SLCO3A1: variants seen among roughly 807,000 people sequenced by gnomAD.
SLCO3A1 encodes the protein solute carrier organic anion transporter family member 3A1.
In SLCO3A1, 27 loss-of-function variants were observed where a neutral mutation model predicts 63.1. The ratio of observed to expected loss-of-function variants is 0.43; its 90% CI spans 0.32 to 0.59. SLCO3A1 has a LOEUF of 0.59. Among genes scored for constraint, SLCO3A1 ranks in the 20% least tolerant of loss-of-function variants. The probability of loss-of-function intolerance (pLI) is 0.09; values close to 1 mark genes in which losing one functional copy is unlikely to be tolerated. For missense variants in SLCO3A1, 773 were observed against 945.8 expected (o/e 0.82, Z 2.40); for synonymous variants, 473 against 409.9 (o/e 1.15, Z -1.86).
At position 91,951,456 on chromosome 15, in the gene SLCO3A1, G is replaced by T. The variant is rs143160243; in HGVS notation, c.646+34998G>T. 5.2e-3 allele frequency among the ~76,000 whole-genome samples: 788 copies of T among 152,086 alleles called. 5 individuals carry two copies. Among genetic ancestry groups the T allele is most frequent in the Non-Finnish European group, 9.5e-3 (645 of 67,990 alleles). ...CTGTAACAGATTTTGTTTATTCATC[G>T]GTCAGTGAACATTTGGTTATTTCCA... On this transcript the variant is annotated intron_variant, in intron 2 of 9. Transcript: ENST00000318445.
chr15:91,991,832 T>G (rs1408967723), intron 2 of SLCO3A1, among the ~76,000 whole-genome samples: 1 of 152,248 alleles, frequency 6.6e-6, no homozygotes, highest in Non-Finnish European at 1.5e-5. Flanking sequence ...ATTAATTACA[T>G]GCACATATAA....
At chr15:92,023,890 G>T (rs1366788202) in intron 2 of SLCO3A1, among the ~76,000 whole-genome samples, 1 of 152,196 alleles carries the variant, frequency 6.6e-6, no homozygotes, top group African/African-American at 2.4e-5. Context: ...GAGGGCTTTT[G>T]AGCTCCGTCT....
At chr15:92,157,220 C>T (rs2048382003) in intron 9 of SLCO3A1, 1 of 152,292 alleles carries the variant, frequency 6.6e-6, no homozygotes, top group Non-Finnish European at 1.5e-5. Context: ...CTGCTTCATC[C>T]ACAAGTTCCT....
chr15:92,025,334 C>G (rs763960929), intron 2 of SLCO3A1, among the ~76,000 whole-genome samples: 7 of 152,072 alleles, frequency 4.6e-5, no homozygotes, highest in Admixed American at 3.9e-4. Context: ...ATTTTAAGTT[C>G]TTATTTTAAG....
intron 4 of SLCO3A1, among the ~76,000 whole-genome samples, chr15:92,110,321 A>G (rs1054683997): frequency 3.3e-5 from 5 of 152,192 alleles, no homozygotes; most frequent in Non-Finnish European, 7.3e-5. Context: ...ACACTCCAGC[A>G]TGCCCTGGGC....
chr15:92,128,250 C>A, intron 6 of SLCO3A1, 101 bp from the exon 7 acceptor site: 2 of 1,365,834 alleles, frequency 1.5e-6, no homozygotes, highest in Non-Finnish European at 2.1e-6. Flanking sequence ...AAGCAGGGTA[C>A]CACGCGACTC....
At chr15:92,166,743 A>C (rs1433620716), downstream of SLCO3A1, among the ~76,000 whole-genome samples, 3 of 152,210 alleles carry the variant, frequency 2.0e-5, no homozygotes, top group South Asian at 4.1e-4. Flanking sequence ...GAGGTCATTC[A>C]CTGAGGAACA....
intron 2 of SLCO3A1, among the ~76,000 whole-genome samples, chr15:91,997,407 A>G (rs1008116456): frequency 1.3e-5 from 2 of 152,212 alleles, no homozygotes; most frequent in Admixed American, 6.5e-5. Flanking sequence ...GGAAGAATCA[A>G]TATTGTTAAA....
At chr15:91,874,257 T>G (rs1045767139) in intron 1 of SLCO3A1, among the ~76,000 whole-genome samples, 1 of 152,214 alleles carries the variant, frequency 6.6e-6, no homozygotes, top group Non-Finnish European at 1.5e-5. Context: ...CTGACTGTAG[T>G]TGACCTCAGG....
At chr15:91,987,722 C>T (rs565709340) in intron 2 of SLCO3A1, among the ~76,000 whole-genome samples, 6 of 140,268 alleles carry the variant, frequency 4.3e-5, no homozygotes, top group East Asian at 2.1e-4. Flanking sequence ...CCAGCCTGGG[C>T]GACAGAGCGA....
rs534112412 is a variant in SLCO3A1, at chr15:91,900,006, T to A, written c.181-15987T>A. On this transcript the variant is annotated intron_variant, in intron 1 of 9. Coordinates refer to ENST00000318445, the MANE Select transcript of SLCO3A1 (RefSeq NM_013272.4). This position sits in a 1 kb window ranked among gnomAD's most constrained non-coding sequence, Gnocchi z 4.3. ...TTTAGTAGATACTGTATTTATCAGA[T>A]TGTGTTGGTGTTATATTTTTGGTTA... Among the ~76,000 whole-genome samples, 1 of 152,342 alleles carries A rather than the reference T, an allele frequency of 6.6e-6. No individual in the cohort carries two copies. The highest frequency in any genetic ancestry group is 2.1e-4 in the South Asian group (1 of 4,824).
At chr15:91,870,201 A>G (rs781705795) in intron 1 of SLCO3A1, among the ~76,000 whole-genome samples, 1 of 152,204 alleles carries the variant, frequency 6.6e-6, no homozygotes, top group Non-Finnish European at 1.5e-5. Flanking sequence ...TATTAGGAAT[A>G]TATCATTTTA....
chr15:91,921,433 C>T (rs1365236736), intron 2 of SLCO3A1, among the ~76,000 whole-genome samples: 1 of 151,886 alleles, frequency 6.6e-6, no homozygotes, highest in Non-Finnish European at 1.5e-5. Flanking sequence ...ATAACAGACA[C>T]CAAAGAGATT....
In SLCO3A1 at chr15:91,886,749, G is replaced by A. The variant is rs986297759; in HGVS notation, c.181-29244G>A. 2.0e-5 allele frequency among the ~76,000 whole-genome samples: 3 copies of A among 152,192 alleles called. No homozygotes were observed. Among genetic ancestry groups the A allele is most frequent in the African/African-American group, 2.4e-5 (1 of 41,454 alleles). ...ACTCCAGACAATAATTCAGGGGTAC[G>A]ATGTGATGGCCCTCTGTTGATTCTC... On this transcript the variant is annotated intron_variant, in intron 1 of 9. Transcript: ENST00000318445. This position sits in a 1 kb window ranked among gnomAD's most constrained non-coding sequence, Gnocchi z 4.9.
At position 91,950,288 on chromosome 15, in the gene SLCO3A1, T is replaced by A. The variant is rs1899955700; in HGVS notation, c.646+33830T>A. On this transcript the variant is annotated intron_variant, in intron 2 of 9. Transcript: ENST00000318445. This position sits in a 1 kb window ranked among gnomAD's most constrained non-coding sequence, Gnocchi z 4.4. ...TATTGTGGAGGGGATTGCAGGGGGC[T>A]GGGGAAGCAGAGATCAGTCTGCAGT... is the stretch of plus-strand genomic sequence containing the variant. Among the ~76,000 whole-genome samples the A allele has an allele frequency of 6.6e-6, 1 of 152,068 alleles. No homozygotes were observed. Among genetic ancestry groups the A allele is most frequent in the Admixed American group, 6.5e-5 (1 of 15,274 alleles).
chr15:91,981,199 G>T lies in SLCO3A1; in HGVS notation c.646+64741G>T, dbSNP rs185357549. ...GATGCCTGGCCTTCCGGCTGCCATG[G>T]TCCTTCTCCCACCAGCCAGACCCTC... On this transcript the variant is annotated intron_variant, in intron 2 of 9. Coordinates refer to ENST00000318445, the MANE Select transcript of SLCO3A1 (RefSeq NM_013272.4). Among the ~76,000 whole-genome samples the T allele has an allele frequency of 3.5e-3, 537 of 152,236 alleles. 12 individuals are homozygous for T. The highest frequency in any genetic ancestry group is 0.032 in the Admixed American group (485 of 15,292).
In SLCO3A1 at chr15:91,942,846, T is replaced by G. The variant is rs1202053546; in HGVS notation, c.646+26388T>G. Among the ~76,000 whole-genome samples, 3 of 152,210 alleles carry G rather than the reference T, an allele frequency of 2.0e-5. No individual in the cohort carries two copies. Among genetic ancestry groups the G allele is most frequent in the Non-Finnish European group, 2.9e-5 (2 of 68,038 alleles). ...TCCCAAGGAGCTGGAATTACAGGCATGAGCCACCACACCCAGCCCTTTGCT... is the reference window on the plus strand; with the variant it reads ...TCCCAAGGAGCTGGAATTACAGGCAGGAGCCACCACACCCAGCCCTTTGCT... On this transcript the variant is annotated intron_variant, in intron 2 of 9. Coordinates refer to ENST00000318445, the MANE Select transcript of SLCO3A1 (RefSeq NM_013272.4). This position sits in a 1 kb window ranked among gnomAD's most constrained non-coding sequence, Gnocchi z 4.1.
intron 1 of SLCO3A1, among the ~76,000 whole-genome samples, chr15:91,864,022 G>A (rs1218517819): frequency 6.6e-6 from 1 of 152,228 alleles, no homozygotes; most frequent in African/African-American, 2.4e-5. Context: ...TTGCAGCTTT[G>A]CAGCTTGCAC....
At chr15:92,125,883 G>A (rs558138880) in intron 5 of SLCO3A1, among the ~76,000 whole-genome samples, 178 bp from the exon 6 acceptor site, 1 of 151,878 alleles carries the variant, frequency 6.6e-6, no homozygotes, top group Admixed American at 6.6e-5. Flanking sequence ...TTCTCCATGA[G>A]CTCCCTGGGG....
Sources: allele counts gnomAD v4.1 joint callset (sites outside exome capture counted in the v4.1 genomes callset), GRCh38; gene constraint gnomAD v4.1.1; non-coding constraint Gnocchi (gnomAD v3.1); transcripts MANE v1.5; gene names NCBI Gene and HGNC (gene_info 2026-07-23, HGNC 2026-07-21).